ANO2: variants seen among roughly 807,000 people sequenced by gnomAD.
ANO2 encodes anoctamin 2, also known as anoctamin-2.
In ANO2, 101 loss-of-function variants were observed where a neutral mutation model predicts 124.2. The ratio of observed to expected loss-of-function variants is 0.81; its 90% CI spans 0.69 to 0.96. The LOEUF is 0.96. ANO2 is among the 40% of genes least tolerant of loss of function. The probability of loss-of-function intolerance (pLI) is 0.00; values close to 1 mark genes in which losing one functional copy is unlikely to be tolerated. For missense variants in ANO2, 1,293 were observed against 1,274.5 expected (o/e 1.01, Z -0.22); for synonymous variants, 486 against 482.5 (o/e 1.01, Z -0.09).
At chr12:5,875,970 A>G (rs1284883035) in intron 3 of ANO2, among the ~76,000 whole-genome samples, 2 of 152,180 alleles carry the variant, frequency 1.3e-5, no homozygotes, top group Non-Finnish European at 2.9e-5. Context: ...GAGGTATTTT[A>G]CCGGGTAGAG....
chr12:5,735,390 G>A (rs1054061824), intron 13 of ANO2, among the ~76,000 whole-genome samples: 5 of 152,152 alleles, frequency 3.3e-5, no homozygotes, highest in African/African-American at 1.2e-4. Context: ...GGTAAGTCCA[G>A]AGATACATCC....
At chr12:5,801,937 A>C (rs2137166440) in intron 9 of ANO2, among the ~76,000 whole-genome samples, 1 of 152,256 alleles carries the variant, frequency 6.6e-6, no homozygotes, top group African/African-American at 2.4e-5. Flanking sequence ...TAGTGACATC[A>C]TTTGTTGCCC....
chr12:5,607,924 T>C (rs1944300866), intron 19 of ANO2, among the ~76,000 whole-genome samples: 1 of 152,092 alleles, frequency 6.6e-6, no homozygotes, highest in Admixed American at 6.6e-5. Flanking sequence ...TTAATAATAA[T>C]AGAAATAAAG....
intron 1 of ANO2, among the ~76,000 whole-genome samples, chr12:5,924,999 G>A (rs548479771): frequency 1.4e-3 from 210 of 152,158 alleles, no homozygotes; most frequent in African/African-American, 4.8e-3. Flanking sequence ...GCCCAATCTC[G>A]CCTCCTCCCA....
chr12:5,640,002 C>T (rs11063791), intron 15 of ANO2, among the ~76,000 whole-genome samples: 47,214 of 151,882 alleles, frequency 0.31, 8,651 homozygotes, highest in Admixed American at 0.46. Context: ...ACATCGCCTC[C>T]GACAATTCCC....
intron 1 of ANO2, among the ~76,000 whole-genome samples, chr12:5,944,372 GTA>G (rs1303145662): frequency 2.0e-5 from 3 of 152,178 alleles, no homozygotes; most frequent in Non-Finnish European, 4.4e-5. Flanking sequence ...TCCCGGGGTG[GTA>G]TTTCTCCACA....
chr12:5,796,403 C>T (rs1388149336), intron 10 of ANO2, among the ~76,000 whole-genome samples: 1 of 151,260 alleles, frequency 6.6e-6, no homozygotes, highest in Non-Finnish European at 1.5e-5. Context: ...TTCTCTGGCA[C>T]ACACACACAC....
At chr12:5,832,282 G>A (rs1954176102) in intron 5 of ANO2, among the ~76,000 whole-genome samples, 170 bp downstream of exon 5, 1 of 152,192 alleles carries the variant, frequency 6.6e-6, no homozygotes, top group Non-Finnish European at 1.5e-5. Context: ...TGGGGAGGGG[G>A]TTCACAAAGC....
At chr12:5,795,909 C>T (rs968807818) in intron 10 of ANO2, among the ~76,000 whole-genome samples, 6 of 152,138 alleles carry the variant, frequency 3.9e-5, no homozygotes, top group Non-Finnish European at 5.9e-5. Flanking sequence ...TGTCCTTCTC[C>T]AGCTGTGAGG....
intron 10 of ANO2, among the ~76,000 whole-genome samples, chr12:5,761,353 C>T (rs1297920964): frequency 6.6e-6 from 1 of 152,072 alleles, no homozygotes; most frequent in Non-Finnish European, 1.5e-5. Context: ...TCCTATACCC[C>T]AAATTTAGTC....
intron 2 of ANO2, among the ~76,000 whole-genome samples, chr12:5,922,199 C>A (rs1276269738): frequency 1.3e-5 from 2 of 152,190 alleles, no homozygotes; most frequent in East Asian, 3.9e-4. Context: ...CGGCCTCTCC[C>A]CGTGGGTGTT....
At chr12:5,602,842 A>G (rs1944009902) in intron 19 of ANO2, among the ~76,000 whole-genome samples, 2 of 152,252 alleles carry the variant, frequency 1.3e-5, no homozygotes, top group Non-Finnish European at 2.9e-5. Flanking sequence ...TCTCCAGATC[A>G]GCCCTTGACA....
At chr12:5,648,522 A>T (rs1259685588) in intron 14 of ANO2, among the ~76,000 whole-genome samples, 4 of 152,180 alleles carry the variant, frequency 2.6e-5, no homozygotes, top group African/African-American at 4.8e-5. Flanking sequence ...CGTTATCAGT[A>T]ACCAGAGTCC....
At chr12:5,573,517 G>A (rs958950817) in intron 23 of ANO2, among the ~76,000 whole-genome samples, 16 of 152,162 alleles carry the variant, frequency 1.1e-4, no homozygotes, top group Non-Finnish European at 1.5e-4. Flanking sequence ...GAAAGGCCTC[G>A]AGCTGGTCCA....
At chr12:5,600,641 A>G (rs7137112) in intron 19 of ANO2, among the ~76,000 whole-genome samples, 1 of 152,200 alleles carries the variant, frequency 6.6e-6, no homozygotes, top group South Asian at 2.1e-4. Context: ...GTTATTTCAT[A>G]CTTCCCATTG....
chr12:5,612,330 G>GA (rs1944582628), intron 19 of ANO2, among the ~76,000 whole-genome samples: 1 of 152,018 alleles, frequency 6.6e-6, no homozygotes, highest in African/African-American at 2.4e-5. Context: ...CCACCATACT[G>GA]AACATCTCTT....
At chr12:5,778,247 T>C (rs1163892316) in intron 10 of ANO2, among the ~76,000 whole-genome samples, 1 of 152,200 alleles carries the variant, frequency 6.6e-6, no homozygotes, top group Non-Finnish European at 1.5e-5. Flanking sequence ...TTAACCCTAT[T>C]TTATAGATGA....
At chr12:5,595,278 G>A (rs1306094740) in intron 20 of ANO2, among the ~76,000 whole-genome samples, 1 of 152,110 alleles carries the variant, frequency 6.6e-6, no homozygotes, top group Admixed American at 6.5e-5. Context: ...ATAGCTCACT[G>A]CAGCCTCAGA....
At chr12:5,752,086 T>C (rs1232462766) in intron 10 of ANO2, among the ~76,000 whole-genome samples, 3 of 152,200 alleles carry the variant, frequency 2.0e-5, no homozygotes, top group Non-Finnish European at 2.9e-5. Flanking sequence ...ATAATATCCA[T>C]TGTGTGTCCA....
Sources: allele counts gnomAD v4.1 joint callset (sites outside exome capture counted in the v4.1 genomes callset), GRCh38; gene constraint gnomAD v4.1.1; transcripts MANE v1.5; gene names NCBI Gene and HGNC (gene_info 2026-07-23, HGNC 2026-07-21).